GRIK1: variants seen among roughly 807,000 people sequenced by gnomAD.
The protein encoded by GRIK1 is glutamate ionotropic receptor kainate type subunit 1, also known as glutamate receptor ionotropic, kainate 1.
A neutral mutation model predicts 105.7 loss-of-function variants in GRIK1; 69 were observed. That is an observed-to-expected ratio of 0.65 (90% CI 0.54 to 0.80). GRIK1 has a LOEUF of 0.80. Ranked by LOEUF, GRIK1 falls within the 30% of genes least tolerant of loss-of-function variation. The pLI is 0.00. For synonymous variants in GRIK1, 438 were observed against 431.3 expected (o/e 1.02, Z -0.19); for missense variants, 1,109 against 1,167.3 (o/e 0.95, Z 0.73).
rs1244000671 is a variant in GRIK1, at chr21:29,754,798, A to G, written c.119-60735T>C. On this transcript the variant is annotated intron_variant, in intron 1 of 17. Coordinates refer to ENST00000327783, the MANE Select transcript of GRIK1 (RefSeq NM_001330994.2). ...GGATGTAAAGGTAGAACTGAGGTTTACCTGGGGGACAGGAAATTCTCCCTG... is the reference window on the plus strand; with the variant it reads ...GGATGTAAAGGTAGAACTGAGGTTTGCCTGGGGGACAGGAAATTCTCCCTG... Among the ~76,000 whole-genome samples, 3 of 152,314 alleles carry G rather than the reference A, an allele frequency of 2.0e-5. No homozygotes were observed. In the East Asian group the frequency reaches 5.8e-4, roughly 29 times the overall value.
At chr21:29,885,540 G>A (rs2069589655) in intron 1 of GRIK1, among the ~76,000 whole-genome samples, 1 of 152,034 alleles carries the variant, frequency 6.6e-6, no homozygotes, top group South Asian at 2.1e-4. Context: ...GAATTTTAGT[G>A]AAAGATATTG....
intron 7 of GRIK1, among the ~76,000 whole-genome samples, chr21:29,619,221 G>A (rs1358769731): frequency 1.3e-5 from 2 of 151,696 alleles, no homozygotes; most frequent in African/African-American, 4.8e-5. Context: ...GGCAGATCAC[G>A]AGGTCAGGAG....
intron 1 of GRIK1, among the ~76,000 whole-genome samples, chr21:29,731,746 C>T (rs975242282): frequency 5.3e-5 from 8 of 152,312 alleles, no homozygotes; most frequent in Admixed American, 5.2e-4. Context: ...GGATGCTCTA[C>T]CGCTAGAGGC....
Position 29,879,453 on chromosome 21 carries a change from A to G in GRIK1, c.118+59930T>C, listed in dbSNP as rs116190388. Among the ~76,000 whole-genome samples, 411 of 152,240 alleles carry G rather than the reference A, an allele frequency of 2.7e-3. 1 individual carries two copies. The highest frequency in any genetic ancestry group is 9.3e-3 in the African/African-American group (388 of 41,560). ...ACCAAATTGTTCAGGTTCACGAGAT[A>G]CATGGAAGAAACTACTAGATAGCTA... On this transcript the variant is annotated intron_variant, in intron 1 of 17. Coordinates refer to ENST00000327783, the MANE Select transcript of GRIK1 (RefSeq NM_001330994.2).
chr21:29,638,284 G>A lies in GRIK1; in HGVS notation c.1098+4542C>T, dbSNP rs141846064. Among the ~76,000 whole-genome samples, 239 of 152,250 alleles carry A rather than the reference G, an allele frequency of 1.6e-3. 1 individual carries two copies. Among genetic ancestry groups the A allele is most frequent in the Middle Eastern group, 3.4e-3 (1 of 294 alleles). On this transcript the variant is annotated intron_variant, in intron 7 of 17. Coordinates refer to ENST00000327783, the MANE Select transcript of GRIK1 (RefSeq NM_001330994.2). The stretch of plus-strand genomic sequence containing the variant: ...ATGTCTTACATGGCAGCAGGAGAGA[G>A]AGGAGAAAGCGAAAGGGGAAGAGCC...
chr21:29,872,081 A>C (rs958698444), intron 1 of GRIK1, among the ~76,000 whole-genome samples: 1 of 152,112 alleles, frequency 6.6e-6, no homozygotes, highest in African/African-American at 2.4e-5. Flanking sequence ...ATATGTTTAA[A>C]ATGACAAATA....
chr21:29,573,320 T>C (rs986810522), intron 14 of GRIK1, among the ~76,000 whole-genome samples: 1 of 152,206 alleles, frequency 6.6e-6, no homozygotes, highest in East Asian at 1.9e-4. Flanking sequence ...GAACATAGCA[T>C]GTACCTGTTC....
In GRIK1 at chr21:29,617,603, G is replaced by T. The variant is rs528362041; in HGVS notation, c.1099-18666C>A. Reference sequence around the variant, plus strand: ...CCAAGACAGGAGTGTTTTCAGAAGCGCTTGCATCTAAACATTAAAACAGGC... The same window carrying T: ...CCAAGACAGGAGTGTTTTCAGAAGCTCTTGCATCTAAACATTAAAACAGGC... On this transcript the variant is annotated intron_variant, in intron 7 of 17. Coordinates refer to ENST00000327783, the MANE Select transcript of GRIK1 (RefSeq NM_001330994.2). 2.0e-5 allele frequency among the ~76,000 whole-genome samples: 3 copies of T among 152,182 alleles called. 1 individual carries two copies. The South Asian group carries it at 6.2e-4, about 31-fold the overall frequency.
At chr21:29,639,914 T>G (rs2062474888) in intron 7 of GRIK1, among the ~76,000 whole-genome samples, 1 of 152,156 alleles carries the variant, frequency 6.6e-6, no homozygotes, top group Non-Finnish European at 1.5e-5. Flanking sequence ...ACTCTTCCCC[T>G]TTATCTAGTC....
intron 1 of GRIK1, among the ~76,000 whole-genome samples, chr21:29,808,193 G>T (rs763630471): frequency 7.2e-5 from 11 of 152,136 alleles, no homozygotes; most frequent in Admixed American, 6.6e-4. Flanking sequence ...TGACTGACAA[G>T]AATTGGTGAG....
At chr21:29,725,634 G>A (rs889850096) in intron 1 of GRIK1, among the ~76,000 whole-genome samples, 2 of 152,036 alleles carry the variant, frequency 1.3e-5, no homozygotes, top group Admixed American at 6.6e-5. Flanking sequence ...CTTCATTGTC[G>A]GAAACTTCAT....
intron 7 of GRIK1, among the ~76,000 whole-genome samples, chr21:29,630,199 G>T (rs1470375613): frequency 6.6e-6 from 1 of 152,156 alleles, no homozygotes; most frequent in Non-Finnish European, 1.5e-5. Flanking sequence ...GGAACATAAA[G>T]CCAGGGATCT....
intron 3 of GRIK1, among the ~76,000 whole-genome samples, chr21:29,685,432 C>A (rs1396731813): frequency 6.6e-6 from 1 of 151,492 alleles, no homozygotes; most frequent in East Asian, 2.0e-4. Flanking sequence ...AAAAGCTAAG[C>A]AGAATAGGAG....
intron 16 of GRIK1, among the ~76,000 whole-genome samples, chr21:29,540,893 T>A (rs149011703): frequency 9.9e-4 from 151 of 152,190 alleles, no homozygotes; most frequent in African/African-American, 3.5e-3. Flanking sequence ...TGGAAAGTCC[T>A]CCAGTAGCCT....
intron 14 of GRIK1, among the ~76,000 whole-genome samples, chr21:29,573,763 C>A (rs919823453): frequency 2.0e-5 from 3 of 151,462 alleles, no homozygotes; most frequent in African/African-American, 7.3e-5. Context: ...GCAGGAGAAT[C>A]GCTTGAACCC....
intron 1 of GRIK1, among the ~76,000 whole-genome samples, chr21:29,827,523 A>G (rs185582116): frequency 2.0e-5 from 3 of 152,276 alleles, no homozygotes; most frequent in Admixed American, 2.0e-4. Flanking sequence ...TGCAGCAAGT[A>G]GGGTGGACAT....
At chr21:29,774,546 G>A (rs555905650) in intron 1 of GRIK1, among the ~76,000 whole-genome samples, 6 of 149,646 alleles carry the variant, frequency 4.0e-5, no homozygotes, top group South Asian at 2.1e-4. Flanking sequence ...CCACCTCCCA[G>A]GTTCAAGCTA....
intron 1 of GRIK1, among the ~76,000 whole-genome samples, chr21:29,749,523 G>T (rs1426960497): frequency 6.6e-6 from 1 of 152,206 alleles, no homozygotes; most frequent in Non-Finnish European, 1.5e-5. Flanking sequence ...ACATACCCTT[G>T]TTTATAGCCA....
chr21:29,722,352 C>A (rs145958225), intron 1 of GRIK1, among the ~76,000 whole-genome samples: 1 of 151,812 alleles, frequency 6.6e-6, no homozygotes, highest in Non-Finnish European at 1.5e-5. Flanking sequence ...GTCAGGAGAT[C>A]GAGACCATCC....
Sources: allele counts gnomAD v4.1 joint callset (sites outside exome capture counted in the v4.1 genomes callset), GRCh38; gene constraint gnomAD v4.1.1; transcripts MANE v1.5; gene names NCBI Gene and HGNC (gene_info 2026-07-23, HGNC 2026-07-21).